CAMTA1: variants seen among roughly 807,000 people sequenced by gnomAD.
CAMTA1 encodes the protein calmodulin binding transcription activator 1, also known as calmodulin-binding transcription activator 1.
Under a neutral mutation model 170.9 loss-of-function variants are expected in CAMTA1, and 27 were observed. The ratio of observed to expected loss-of-function variants is 0.16; its 90% CI spans 0.12 to 0.22. CAMTA1 has a LOEUF of 0.22. Ranked by LOEUF, CAMTA1 falls within the 10% of genes least tolerant of loss-of-function variation. The pLI is 1.00. For synonymous variants in CAMTA1, 833 were observed against 891.5 expected, an observed-to-expected ratio of 0.93 and a Z score of 1.17; for missense variants, 1,619 against 2,217.2, an observed-to-expected ratio of 0.73 and a Z score of 5.42.
chr1:6,886,308 C>A (rs1173634070), intron 3 of CAMTA1: 1 of 453,320 alleles, frequency 2.2e-6, no homozygotes, highest in African/African-American at 2.0e-5. Context: ...AAGCTGCTGT[C>A]TGATTCCAGA....
chr1:6,892,345 C>T (rs935446335), intron 3 of CAMTA1, among the ~76,000 whole-genome samples: 3 of 152,148 alleles, frequency 2.0e-5, no homozygotes, highest in Admixed American at 1.3e-4. Context: ...GGGATAACTG[C>T]GGCCCCCTCT....
In CAMTA1 at chr1:7,010,662, C is replaced by T. The variant is rs747024728; in HGVS notation, c.235-80642C>T. Among the ~76,000 whole-genome samples the T allele has an allele frequency of 2.6e-5, 4 of 152,146 alleles. No homozygotes were observed. The highest frequency in any genetic ancestry group is 4.4e-5 in the Non-Finnish European group (3 of 68,026). ...AGGCTCATAGCATGGGGCCTGGCAC[C>T]GAATAGGTGCTGTTTACGTGATAGC... On this transcript the variant is annotated intron_variant, in intron 3 of 22. Coordinates refer to ENST00000303635, the MANE Select transcript of CAMTA1 (RefSeq NM_015215.4). This position sits in a 1 kb window ranked among gnomAD's most constrained non-coding sequence, Gnocchi z 4.4.
At chr1:7,233,820 G>A (rs1663289834) in intron 4 of CAMTA1, among the ~76,000 whole-genome samples, 1 of 152,110 alleles carries the variant, frequency 6.6e-6, no homozygotes, top group Non-Finnish European at 1.5e-5. Flanking sequence ...CGTTCTTTTT[G>A]GCTGACTTTT....
chr1:7,501,713 G>A (rs973434085), intron 6 of CAMTA1, among the ~76,000 whole-genome samples: 9 of 151,764 alleles, frequency 5.9e-5, no homozygotes, highest in African/African-American at 1.5e-4. Context: ...ACATGTCATC[G>A]GCACCCTCCA....
rs114330125 is a variant in CAMTA1, at chr1:7,582,691, C to T, written c.511-57709C>T. On this transcript the variant is annotated intron_variant, in intron 6 of 22. Transcript: ENST00000303635. ...CACTACAAAGGAGAGAGGCACAGCC[C>T]CTCCTTTTAAGAACACTTCCTGGAA... is the stretch of plus-strand genomic sequence containing the variant. Among the ~76,000 whole-genome samples the T allele has an allele frequency of 4.1e-3, 626 of 152,140 alleles. 5 individuals are homozygous for T. Among genetic ancestry groups the T allele is most frequent in the African/African-American group, 0.015 (608 of 41,488 alleles).
At chr1:7,498,673 G>A (rs1326022239) in intron 6 of CAMTA1, among the ~76,000 whole-genome samples, 1 of 151,844 alleles carries the variant, frequency 6.6e-6, no homozygotes, top group South Asian at 2.1e-4. Flanking sequence ...TGACTACATT[G>A]AGTGCATGCA....
intron 6 of CAMTA1, among the ~76,000 whole-genome samples, chr1:7,552,111 AG>A (rs1411734218): frequency 6.6e-6 from 1 of 152,210 alleles, no homozygotes; most frequent in African/African-American, 2.4e-5. Flanking sequence ...TCTGACCCCA[AG>A]GGGCACCAGC....
intron 3 of CAMTA1, among the ~76,000 whole-genome samples, chr1:6,928,041 C>G (rs917016419): frequency 2.0e-5 from 3 of 152,190 alleles, no homozygotes; most frequent in Non-Finnish European, 4.4e-5. Flanking sequence ...TCTCTCCGCT[C>G]CCCTGCATCC....
At chr1:7,575,464 C>G (rs2095179827) in intron 6 of CAMTA1, among the ~76,000 whole-genome samples, 1 of 152,202 alleles carries the variant, frequency 6.6e-6, no homozygotes, top group African/African-American at 2.4e-5. Context: ...GTTTACAGAA[C>G]ATGGAACCAG....
intron 4 of CAMTA1, among the ~76,000 whole-genome samples, chr1:7,240,130 A>G (rs1356569647): frequency 6.6e-6 from 1 of 152,188 alleles, no homozygotes; most frequent in African/African-American, 2.4e-5. Flanking sequence ...GTCAGCCACC[A>G]TTGATGATCC....
intron 3 of CAMTA1, among the ~76,000 whole-genome samples, chr1:7,053,307 T>G (rs906110310): frequency 1.3e-5 from 2 of 152,212 alleles, no homozygotes; most frequent in Non-Finnish European, 2.9e-5. Context: ...TTTCTAGTTT[T>G]TCCTTCACAG....
intron 4 of CAMTA1, among the ~76,000 whole-genome samples, chr1:7,112,408 A>G (rs1040675457): frequency 1.3e-5 from 2 of 152,110 alleles, no homozygotes; most frequent in African/African-American, 4.8e-5. Flanking sequence ...TTTCTTCACT[A>G]TAAGTGGTTA....
At chr1:7,267,307 T>C (rs2149384612) in intron 5 of CAMTA1, among the ~76,000 whole-genome samples, 1 of 152,334 alleles carries the variant, frequency 6.6e-6, no homozygotes, top group Non-Finnish European at 1.5e-5. Flanking sequence ...ATGAGTTCTT[T>C]GGCTTCATAA....
intron 5 of CAMTA1, among the ~76,000 whole-genome samples, chr1:7,323,507 C>T (rs1574676125): frequency 9.2e-6 from 1 of 108,998 alleles, no homozygotes; most frequent in Non-Finnish European, 1.7e-5. Flanking sequence ...CTTTATTCTT[C>T]TTTTTTTTTT....
In CAMTA1 at chr1:7,664,758, G is replaced by C; in HGVS notation, c.2211G>C (p.Pro737=). ...GCGCCGGCGGCGTCCCCATCCTCCC[G>C]GGCAACGTGGTGCAGGGACTCTACC... The part of the protein sequence containing the change: ...IRSAGGVPIL[P]GNVVQGLYPV... Residue 737 remains proline (P), a synonymous_variant, in exon 9 of 23, where the codon CCG becomes CCC. Transcript: ENST00000303635. The C allele has an allele frequency of 6.2e-7, 1 of 1,608,828 alleles. No individual in the cohort carries two copies.
intron 5 of CAMTA1, among the ~76,000 whole-genome samples, chr1:7,253,799 C>T (rs2149322117): frequency 6.6e-6 from 1 of 152,188 alleles, no homozygotes; most frequent in South Asian, 2.1e-4. Context: ...CGGGTGGGGC[C>T]TGTAGACTTT....
chr1:6,878,523 C>T (rs981889655), intron 3 of CAMTA1, among the ~76,000 whole-genome samples: 4 of 152,222 alleles, frequency 2.6e-5, no homozygotes, highest in Non-Finnish European at 5.9e-5. Context: ...TTGTACCTGC[C>T]TGCCTCATGC....
At chr1:7,626,387 C>A (rs997419014) in intron 6 of CAMTA1, among the ~76,000 whole-genome samples, 6 of 152,180 alleles carry the variant, frequency 3.9e-5, no homozygotes, top group African/African-American at 1.4e-4. Flanking sequence ...GTGGCCCCAT[C>A]CCAACCTCCC....
intron 5 of CAMTA1, among the ~76,000 whole-genome samples, chr1:7,355,961 C>A (rs1278289422): frequency 6.6e-6 from 1 of 152,254 alleles, no homozygotes; most frequent in Non-Finnish European, 1.5e-5. Flanking sequence ...CCCTTCTTTG[C>A]TCTCAGGAAG....
Sources: allele counts gnomAD v4.1 joint callset (sites outside exome capture counted in the v4.1 genomes callset), GRCh38; gene constraint gnomAD v4.1.1; non-coding constraint Gnocchi (gnomAD v3.1); transcripts MANE v1.5; gene names NCBI Gene and HGNC (gene_info 2026-07-23, HGNC 2026-07-21).